Variants in MFSD6 observed in about 807,000 individuals in gnomAD.
MFSD6 encodes the protein major facilitator superfamily domain containing 6.
In MFSD6, 26 loss-of-function variants were observed where a neutral mutation model predicts 56.3. That is an observed-to-expected ratio of 0.46 (90% CI 0.34 to 0.64). The LOEUF (loss-of-function observed/expected upper bound fraction) is 0.64, where lower values mean the gene tolerates loss of function less well. Among genes scored for constraint, MFSD6 ranks in the 30% least tolerant of loss-of-function variants. MFSD6 has a pLI of 0.01. For missense variants in MFSD6, 750 were observed against 986.2 expected (o/e 0.76, Z 3.21); for synonymous variants, 331 against 366.9 (o/e 0.90, Z 1.12).
At chr2:190,435,342 C>A (rs1327765602) in intron 2 of MFSD6, 1 of 152,208 alleles carries the variant, frequency 6.6e-6, no homozygotes, top group East Asian at 1.9e-4. Flanking sequence ...ATTATCTGCT[C>A]TTTTTTCTTG....
rs773091572 is a variant in MFSD6, at chr2:190,497,519, A to G, written c.1972A>G (p.Thr658Ala). 21 of 1,614,182 alleles carry G rather than the reference A, an allele frequency of 1.3e-5. No homozygotes were observed. Among genetic ancestry groups the G allele is most frequent in the Non-Finnish European group, 1.8e-5 (21 of 1,180,026 alleles). Reference sequence around the variant, plus strand: ...AACCATCGACTTGGTACAGCAACAGACAGAAGATGTCATGCCACGCATTGA... The same window carrying G: ...AACCATCGACTTGGTACAGCAACAGGCAGAAGATGTCATGCCACGCATTGA... ...IATIDLVQQQ[T>A]EDVMPRIEPR... Residue 658 changes from threonine (T) to alanine (A), a missense_variant, in exon 7 of 8, where the codon ACA becomes GCA. Physicochemically the swap from Thr to Ala is moderately conservative, Grantham distance 58. Around this residue, in one of 5 missense-constraint regions of MFSD6, gnomAD observed 172 missense variants for 203.9 expected, o/e 0.84. Coordinates refer to ENST00000392328, the MANE Select transcript of MFSD6 (RefSeq NM_017694.4). This position sits in a 1 kb window ranked among gnomAD's most constrained non-coding sequence, Gnocchi z 5.2.
chr2:190,493,336 A>G (rs994189724), intron 6 of MFSD6, among the ~76,000 whole-genome samples: 1 of 152,188 alleles, frequency 6.6e-6, no homozygotes, highest in Non-Finnish European at 1.5e-5. Flanking sequence ...AAATTTCACA[A>G]TCTTCAATAT....
chr2:190,470,625 T>C (rs1431648048), intron 4 of MFSD6, among the ~76,000 whole-genome samples: 3 of 152,214 alleles, frequency 2.0e-5, no homozygotes, highest in Admixed American at 2.0e-4. Flanking sequence ...CTAAACAGTC[T>C]GTGATTTGAT....
At chr2:190,466,300 C>T (rs1402053923) in intron 3 of MFSD6, among the ~76,000 whole-genome samples, 2 of 152,158 alleles carry the variant, frequency 1.3e-5, no homozygotes, top group East Asian at 1.9e-4. Context: ...CATAACAGTG[C>T]ATACTATGGC....
chr2:190,499,711 A>C lies in MFSD6; in HGVS notation c.2173-304A>C. ...ACTTGCCACATGGCTTGGGGGGCTC[A>C]GTAAATATTTGCTGATGTAAACTGT... On this transcript the variant is annotated intron_variant, in intron 7 of 7. Coordinates refer to ENST00000392328, the MANE Select transcript of MFSD6 (RefSeq NM_017694.4). This position sits in a 1 kb window ranked among gnomAD's most constrained non-coding sequence, Gnocchi z 6.0. 1 of 1,092,250 alleles carries C rather than the reference A, an allele frequency of 9.2e-7. No homozygotes were observed. The highest frequency in any genetic ancestry group is 1.2e-6 in the Non-Finnish European group (1 of 805,428). The allele number at this position is 1,092,250 out of a possible 1,614,324, so 67.7% of individuals were successfully genotyped here. A position where few individuals can be genotyped will look rare whatever the true frequency, so the allele number is the denominator to read the frequency against.
At chr2:190,450,853 A>G (rs565811060) in intron 3 of MFSD6, among the ~76,000 whole-genome samples, 11 of 152,318 alleles carry the variant, frequency 7.2e-5, no homozygotes, top group African/African-American at 2.2e-4. Flanking sequence ...ACATTATTGA[A>G]AAGAAGAATA....
rs567394722 is a variant in MFSD6, at chr2:190,501,566, A to T, written c.*1348A>T. 6.6e-6 allele frequency: 1 copy of T among 152,176 alleles called. No homozygotes were observed. Among genetic ancestry groups the T allele is most frequent in the African/African-American group, 2.4e-5 (1 of 41,430 alleles). 9.4% of individuals were successfully genotyped at this position (152,176 alleles called of 1,614,324 possible). A position where few individuals can be genotyped will look rare whatever the true frequency, so the allele number is the denominator to read the frequency against. ...TATAATAGCTGTGGATGAGCACAGGAGAGAGAGGAAAGAAAAGAACAGTCG... is the reference window on the plus strand; with the variant it reads ...TATAATAGCTGTGGATGAGCACAGGTGAGAGAGGAAAGAAAAGAACAGTCG... On this transcript the variant is annotated 3_prime_UTR_variant, in exon 8 of 8. Transcript: ENST00000392328.
At chr2:190,464,976 C>T in intron 3 of MFSD6, 2 of 843,380 alleles carry the variant, frequency 2.4e-6, no homozygotes, top group Non-Finnish European at 2.9e-6. Flanking sequence ...GGTCTCACAA[C>T]TAACTACACT....
intron 4 of MFSD6, among the ~76,000 whole-genome samples, chr2:190,476,737 A>G (rs1039797278): frequency 3.9e-5 from 6 of 152,164 alleles, no homozygotes; most frequent in Non-Finnish European, 7.3e-5. Flanking sequence ...TCATGCTGCT[A>G]TAAAGACACA....
At position 190,477,163 on chromosome 2, in the gene MFSD6, C is replaced by T. The variant is rs1019883033; in HGVS notation, c.1630+7308C>T. 5.7e-6 allele frequency: 4 copies of T among 697,224 alleles called. No homozygotes were observed. The African/African-American group carries it at 7.7e-5, about 13-fold the overall frequency. The allele number at this position is 697,224 out of a possible 1,614,324, so 43.2% of individuals were successfully genotyped here. On this transcript the variant is annotated intron_variant, in intron 4 of 7. Transcript: ENST00000392328. Reference sequence around the variant, plus strand: ...GGCACATGTATACATATGTAACAAACCTGCACGTTGTGCACATGTACCCTA... The same window carrying T: ...GGCACATGTATACATATGTAACAAATCTGCACGTTGTGCACATGTACCCTA...
chr2:190,443,137 C>T lies in MFSD6; in HGVS notation c.1532+5576C>T. On this transcript the variant is annotated intron_variant, in intron 3 of 7. Transcript: ENST00000392328. The surrounding 1 kb of genome is among the most constrained non-coding windows in gnomAD (Gnocchi z 4.2). ...GCACCCCCCAATATCATCACCTGAGCCAGGAACCCTCTGTGGGTGTTCCTA... is the reference window on the plus strand; with the variant it reads ...GCACCCCCCAATATCATCACCTGAGTCAGGAACCCTCTGTGGGTGTTCCTA... 6.6e-6 allele frequency: 1 copy of T among 152,192 alleles called. No homozygotes were observed. Among genetic ancestry groups the T allele is most frequent in the South Asian group, 2.1e-4 (1 of 4,816 alleles). The allele number at this position is 152,192 out of a possible 1,614,324, so 9.4% of individuals were successfully genotyped here.
chr2:190,456,994 A>G lies in MFSD6; in HGVS notation c.1533-12764A>G, dbSNP rs1025938133. On this transcript the variant is annotated intron_variant, in intron 3 of 7. Coordinates refer to ENST00000392328, the MANE Select transcript of MFSD6 (RefSeq NM_017694.4). The surrounding 1 kb of genome is among the most constrained non-coding windows in gnomAD (Gnocchi z 5.4). ...ATGTCAACCGTCTTCTGATGCCAAC[A>G]TAAACGTTCATCCAGCTTCCTTAAT... 6.6e-6 allele frequency among the ~76,000 whole-genome samples: 1 copy of G among 152,180 alleles called. No individual in the cohort carries two copies. Among genetic ancestry groups the G allele is most frequent in the East Asian group, 1.9e-4 (1 of 5,192 alleles).
At position 190,494,299 on chromosome 2, in the gene MFSD6, C is replaced by G. The variant is rs1689538817; in HGVS notation, c.1892-3140C>G. Among the ~76,000 whole-genome samples the G allele has an allele frequency of 6.6e-6, 1 of 151,996 alleles. No individual in the cohort carries two copies. Among genetic ancestry groups the G allele is most frequent in the Non-Finnish European group, 1.5e-5 (1 of 67,980 alleles). On this transcript the variant is annotated intron_variant, in intron 6 of 7. Coordinates refer to ENST00000392328, the MANE Select transcript of MFSD6 (RefSeq NM_017694.4). The surrounding 1 kb of genome is among the most constrained non-coding windows in gnomAD (Gnocchi z 5.7). ...AAGACACAACCCTCCTAGCTTAAATCAGGAAGAATTAGAAACCCTGAACAG... is the reference window on the plus strand; with the variant it reads ...AAGACACAACCCTCCTAGCTTAAATGAGGAAGAATTAGAAACCCTGAACAG...
rs751981507 is a variant in MFSD6 at position 190,490,115 on chromosome 2, A to G, written c.1891+249A>G. Among the ~76,000 whole-genome samples the G allele has an allele frequency of 6.6e-6, 1 of 152,160 alleles. No homozygotes were observed. Among genetic ancestry groups the G allele is most frequent in the South Asian group, 2.1e-4 (1 of 4,820 alleles). Reference sequence around the variant, plus strand: ...TTTGTTTGTTTTCTTTTATAATACAAGGTACTAGGGAAGTATTAGTTTTCA... The same window carrying G: ...TTTGTTTGTTTTCTTTTATAATACAGGGTACTAGGGAAGTATTAGTTTTCA... On this transcript the variant is annotated intron_variant, in intron 6 of 7. Transcript: ENST00000392328. This position sits in a 1 kb window ranked among gnomAD's most constrained non-coding sequence, Gnocchi z 4.5.
rs967158829 is a variant in MFSD6, at chr2:190,458,091, G to A, written c.1533-11667G>A. Among the ~76,000 whole-genome samples, 2 of 152,142 alleles carry A rather than the reference G, an allele frequency of 1.3e-5. No individual in the cohort carries two copies. The highest frequency in any genetic ancestry group is 2.9e-5 in the Non-Finnish European group (2 of 68,020). On this transcript the variant is annotated intron_variant, in intron 3 of 7. Coordinates refer to ENST00000392328, the MANE Select transcript of MFSD6 (RefSeq NM_017694.4). This position sits in a 1 kb window ranked among gnomAD's most constrained non-coding sequence, Gnocchi z 5.3. Reference sequence around the variant, plus strand: ...ACACACTCTGTTGCTGGTCTAGGGAGGAAATGGCTCTGGAAAAAAATACTG... The same window carrying A: ...ACACACTCTGTTGCTGGTCTAGGGAAGAAATGGCTCTGGAAAAAAATACTG...
At chr2:190,408,897 G>A (rs970929581) in intron 1 of MFSD6, among the ~76,000 whole-genome samples, 12 of 152,150 alleles carry the variant, frequency 7.9e-5, no homozygotes, top group Admixed American at 4.6e-4. Context: ...GACGGAGGGT[G>A]AGCGCCGATG....
At position 190,471,039 on chromosome 2, in the gene MFSD6, T is replaced by C. The variant is rs548967157; in HGVS notation, c.1630+1184T>C. On this transcript the variant is annotated intron_variant, in intron 4 of 7. Coordinates refer to ENST00000392328, the MANE Select transcript of MFSD6 (RefSeq NM_017694.4). This position sits in a 1 kb window ranked among gnomAD's most constrained non-coding sequence, Gnocchi z 4.7. ...AATAAGAAATTATTGTTTCTAATAA[T>C]TAGAACTCTGGAAGGGTCTTGAGGG... 5.9e-5 allele frequency among the ~76,000 whole-genome samples: 9 copies of C among 152,316 alleles called. No individual in the cohort carries two copies. Among genetic ancestry groups the C allele is most frequent in the African/African-American group, 2.2e-4 (9 of 41,574 alleles).
rs1050353990 is a variant in MFSD6 at position 190,454,230 on chromosome 2, T to C, written c.1533-15528T>C. 3 of 152,168 alleles carry C rather than the reference T, an allele frequency of 2.0e-5. No homozygotes were observed. Among genetic ancestry groups the C allele is most frequent in the African/African-American group, 7.2e-5 (3 of 41,444 alleles). 9.4% of individuals were successfully genotyped at this position (152,168 alleles called of 1,614,324 possible). On this transcript the variant is annotated intron_variant, in intron 3 of 7. Coordinates refer to ENST00000392328, the MANE Select transcript of MFSD6 (RefSeq NM_017694.4). The surrounding 1 kb of genome is among the most constrained non-coding windows in gnomAD (Gnocchi z 4.6). ...AAATTAACTCCTTGTGGTCCTGGGA[T>C]AGAGTACCTGAGAGCCTGCAGCCAC...
intron 4 of MFSD6, among the ~76,000 whole-genome samples, chr2:190,477,881 AAG>A (rs1323174473): frequency 6.6e-6 from 1 of 152,214 alleles, no homozygotes; most frequent in African/African-American, 2.4e-5. Context: ...AAAATCACAT[AAG>A]CTAGATTCTG....
Sources: gnomAD v4.1 joint callset for allele counts (sites outside exome capture counted in the v4.1 genomes callset) on GRCh38, gnomAD v4.1.1 for gene constraint, gnomAD v4.1.1 regional missense constraint, Gnocchi (gnomAD v3.1) non-coding constraint, MANE v1.5 for transcripts, NCBI Gene and HGNC (gene_info 2026-07-23, HGNC 2026-07-21) for gene names.